DCUN1D2: variants seen among roughly 807,000 people sequenced by gnomAD.
DCUN1D2 encodes the protein DCN1-like protein 2.
Under a neutral mutation model 30.9 loss-of-function variants are expected in DCUN1D2, and 29 were observed. That is an observed-to-expected ratio of 0.94 (90% confidence interval 0.70 to 1.28). DCUN1D2 has a LOEUF of 1.28. Ranked by LOEUF, DCUN1D2 falls within the 50% of genes most tolerant of loss-of-function variation. The probability of loss-of-function intolerance (pLI) is 0.00; values close to 1 mark genes in which losing one functional copy is unlikely to be tolerated. For synonymous variants in DCUN1D2, 121 were observed against 115.3 expected, an observed-to-expected ratio of 1.05 and a Z score of -0.32; for missense variants, 325 against 316.9, an observed-to-expected ratio of 1.03 and a Z score of -0.19.
At chr13:113,474,365 T>C in intron 3 of DCUN1D2, 111 bp from the exon 4 acceptor site, 1 of 1,440,330 alleles carries the variant, frequency 6.9e-7, no homozygotes, top group Non-Finnish European at 9.4e-7. Flanking sequence ...CTGGAGACCG[T>C]ATTTCCCAAC....
chr13:113,463,460 G>T (rs776987042), intron 4 of DCUN1D2, among the ~76,000 whole-genome samples: 2 of 151,842 alleles, frequency 1.3e-5, no homozygotes, highest in Non-Finnish European at 2.9e-5. Flanking sequence ...AGGAGGCCGC[G>T]GCAGGAGGAT....
chr13:113,479,101 T>C (rs2044664976), intron 3 of DCUN1D2: 1 of 152,208 alleles, frequency 6.6e-6, no homozygotes, highest in Non-Finnish European at 1.5e-5. Context: ...GAAAAGAATA[T>C]GTATTCTTAA....
chr13:113,474,401 C>T (rs986999376), intron 3 of DCUN1D2, 147 bp from the exon 4 acceptor site: 9 of 1,077,300 alleles, frequency 8.4e-6, no homozygotes, highest in Non-Finnish European at 1.2e-5. Context: ...CGGCCTAAGG[C>T]TCTAAGTGAT....
At chr13:113,471,234 C>T (rs1169333516) in intron 4 of DCUN1D2, among the ~76,000 whole-genome samples, 1 of 151,072 alleles carries the variant, frequency 6.6e-6, no homozygotes, top group Admixed American at 6.6e-5. Flanking sequence ...GGGGACCCAA[C>T]TCCACAGAAG....
chr13:113,480,436 G>A, intron 3 of DCUN1D2, 139 bp downstream of exon 3: 3 of 705,612 alleles, frequency 4.3e-6, no homozygotes, highest in Non-Finnish European at 6.5e-6. Context: ...ATAGTGCGGA[G>A]AGTACAGACG....
chr13:113,477,419 T>A (rs1277675875), intron 3 of DCUN1D2, among the ~76,000 whole-genome samples: 1 of 78,142 alleles, frequency 1.3e-5, no homozygotes, highest in Admixed American at 1.1e-4. Context: ...CATGTTACCG[T>A]TTTGCTGGTT....
intron 4 of DCUN1D2, among the ~76,000 whole-genome samples, chr13:113,472,837 C>T (rs1233827238): frequency 6.6e-6 from 1 of 152,232 alleles, no homozygotes; most frequent in Non-Finnish European, 1.5e-5. Context: ...GAGGGCCCAA[C>T]AGGCCCCAGG....
intron 1 of DCUN1D2, among the ~76,000 whole-genome samples, chr13:113,484,975 G>A (rs1051014796): frequency 2.0e-5 from 3 of 152,182 alleles, no homozygotes; most frequent in Non-Finnish European, 4.4e-5. Context: ...CTACTTGGGA[G>A]GCTGAGGCAG....
At chr13:113,474,390 G>A (rs527719312) in intron 3 of DCUN1D2, 136 bp from the exon 4 acceptor site, 9 of 1,185,332 alleles carry the variant, frequency 7.6e-6, no homozygotes, top group South Asian at 4.4e-5. Context: ...TTTCCCAGGC[G>A]CGGCCTAAGG....
At chr13:113,479,983 C>G (rs1055637057) in intron 3 of DCUN1D2, among the ~76,000 whole-genome samples, 1 of 152,130 alleles carries the variant, frequency 6.6e-6, no homozygotes, top group African/African-American at 2.4e-5. Flanking sequence ...CTTACGGGAC[C>G]ACTGTTGTAT....
chr13:113,461,743 T>C (rs1449940027), intron 4 of DCUN1D2, among the ~76,000 whole-genome samples: 1 of 152,236 alleles, frequency 6.6e-6, no homozygotes, highest in Non-Finnish European at 1.5e-5. Flanking sequence ...AACGCCCTCT[T>C]TTCCCACACG....
In DCUN1D2 at chr13:113,474,781, G is replaced by A. The variant is rs1457735746; in HGVS notation, c.390-527C>T. ...CTCAGTGACTTGCAGAATGGCAGTC[G>A]CCCTGCCAGCCTGGGCCACTGTTAC... On this transcript the variant is annotated intron_variant, in intron 3 of 6. Transcript: ENST00000478244. Among the ~76,000 whole-genome samples, 7 of 152,214 alleles carry A rather than the reference G, an allele frequency of 4.6e-5. No individual in the cohort carries two copies. In the East Asian group the frequency reaches 1.4e-3, roughly 29 times the overall value.
intron 3 of DCUN1D2, chr13:113,476,099 A>C (rs1325305063): frequency 6.6e-6 from 1 of 152,208 alleles, no homozygotes; most frequent in African/African-American, 2.4e-5. Flanking sequence ...TGTTATATAC[A>C]TATTTTATGA....
At chr13:113,477,556 A>C (rs1412172047) in intron 3 of DCUN1D2, among the ~76,000 whole-genome samples, 3 of 152,234 alleles carry the variant, frequency 2.0e-5, no homozygotes, top group African/African-American at 4.8e-5. Context: ...TCTCCTGTTT[A>C]ATACTGAATA....
At position 113,483,872 on chromosome 13, in the gene DCUN1D2, T is replaced by C. The variant is rs1425362752; in HGVS notation, c.188A>G (p.Lys63Arg). The C allele has an allele frequency of 2.5e-6, 4 of 1,613,014 alleles. No homozygotes were observed. In the African/African-American group the frequency reaches 4.0e-5, roughly 16 times the overall value. ...CCTGCCGTACAGCCGCTCCAGCTTC[T>C]TCTTGTCCACAGCGTTCCGCATGGA... ...RESMRNAVDK[K>R]KLERLYGRYK... Residue 63 changes from lysine (K) to arginine (R), a missense_variant, in exon 2 of 7, where the codon AAG becomes AGG. Coordinates refer to ENST00000478244, the MANE Select transcript of DCUN1D2 (RefSeq NM_001014283.2).
chr13:113,460,880 G>A (rs773275518), intron 5 of DCUN1D2, among the ~76,000 whole-genome samples, 174 bp downstream of exon 5: 10 of 152,172 alleles, frequency 6.6e-5, no homozygotes, highest in African/African-American at 1.9e-4. Flanking sequence ...TGCAGTCTCC[G>A]GCAAGGTGAC....
chr13:113,480,582 C>T lies in DCUN1D2; in HGVS notation c.382G>A (p.Glu128Lys). The change falls in exon 3 of 7, where the codon GAA becomes AAA. Residue 128 changes from glutamate to lysine, a missense_variant. Physicochemically the swap from Glu to Lys is moderately conservative, Grantham distance 56. Transcript: ENST00000478244. Reference protein sequence around the residue: ...SRKEFLDGMTELGCDSMEKLK... With the variant: ...SRKEFLDGMTKLGCDSMEKLK... ...TAAGAATAGTTGACTTACCCAAGTTCTGTCATGCCATCTAGAAATTCCTTT... is the reference window on the plus strand; with the variant it reads ...TAAGAATAGTTGACTTACCCAAGTTTTGTCATGCCATCTAGAAATTCCTTT... 1 of 1,613,996 alleles carries T rather than the reference C, an allele frequency of 6.2e-7. No individual in the cohort carries two copies. The highest frequency in any genetic ancestry group is 8.5e-7 in the Non-Finnish European group (1 of 1,179,946).
intron 1 of DCUN1D2, among the ~76,000 whole-genome samples, chr13:113,489,404 G>GTTT (rs1269806198): frequency 1.3e-5 from 2 of 152,198 alleles, no homozygotes; most frequent in Non-Finnish European, 2.9e-5. Context: ...GACCCCTAAA[G>GTTT]GTCACAAAAG....
At chr13:113,460,351 G>C (rs1028151950) in intron 5 of DCUN1D2, among the ~76,000 whole-genome samples, 3 of 152,200 alleles carry the variant, frequency 2.0e-5, no homozygotes, top group Non-Finnish European at 4.4e-5. Flanking sequence ...GTCCTGGCCC[G>C]GCCGTGGGTT....
Sources: gnomAD v4.1 joint callset for allele counts (sites outside exome capture counted in the v4.1 genomes callset) on GRCh38, gnomAD v4.1.1 for gene constraint, MANE v1.5 for transcripts, NCBI Gene and HGNC (gene_info 2026-07-23, HGNC 2026-07-21) for gene names.